The following PDGFD variants were observed in gnomAD, a reference collection of about 807,000 sequenced individuals.
The protein encoded by PDGFD is platelet-derived growth factor D.
A neutral mutation model predicts 44.7 loss-of-function variants in PDGFD; 30 were observed. The observed-to-expected ratio is 0.67, with a 90% CI of 0.50 to 0.91. The LOEUF (loss-of-function observed/expected upper bound fraction) is 0.91, where lower values mean the gene tolerates loss of function less well. PDGFD is among the 40% of genes least tolerant of loss of function. The probability of loss-of-function intolerance (pLI) is 0.00; values close to 1 mark genes in which losing one functional copy is unlikely to be tolerated. For missense variants in PDGFD, 445 were observed against 457.8 expected, an observed-to-expected ratio of 0.97 and a Z score of 0.25; for synonymous variants, 173 against 168.4, an observed-to-expected ratio of 1.03 and a Z score of -0.21.
At chr11:104,113,294 G>A (rs778117161) in intron 1 of PDGFD, among the ~76,000 whole-genome samples, 11 of 152,068 alleles carry the variant, frequency 7.2e-5, no homozygotes, top group Admixed American at 1.3e-4. Flanking sequence ...TGTCCAAATC[G>A]AAGCTCCTAC....
chr11:103,945,645 G>A (rs1211510410), intron 4 of PDGFD: 1 of 152,242 alleles, frequency 6.6e-6, no homozygotes, highest in East Asian at 1.9e-4. Flanking sequence ...TCATTCCCAC[G>A]CCAGTGAAAG....
intron 3 of PDGFD, among the ~76,000 whole-genome samples, chr11:103,979,159 T>C (rs79347850): frequency 9.2e-4 from 140 of 152,214 alleles, no homozygotes; most frequent in African/African-American, 2.9e-3. Context: ...CAGTCTAAAT[T>C]ATACTCTATA....
chr11:103,957,185 G>GT (rs1382906436), intron 3 of PDGFD, among the ~76,000 whole-genome samples: 2 of 152,108 alleles, frequency 1.3e-5, no homozygotes, highest in Non-Finnish European at 2.9e-5. Flanking sequence ...GGTTTTTATG[G>GT]TTTTAGGTCT....
rs1297445223 is a variant in PDGFD at position 104,050,076 on chromosome 11, TG to T, written c.125-49822del. On this transcript the variant is annotated intron_variant, in intron 1 of 6. Coordinates refer to ENST00000393158, the MANE Select transcript of PDGFD (RefSeq NM_025208.5). ...TAGGACATATATGGGTAGTTCAGTA[TG>T]GGTTATACGTTATATGTCCAGTGGG... 4.6e-5 allele frequency among the ~76,000 whole-genome samples: 7 copies of T among 152,260 alleles called. No homozygotes were observed. The South Asian group carries it at 1.5e-3, about 32-fold the overall frequency.
At chr11:104,048,946 A>G (rs1455422931) in intron 1 of PDGFD, among the ~76,000 whole-genome samples, 1 of 152,214 alleles carries the variant, frequency 6.6e-6, no homozygotes, top group Non-Finnish European at 1.5e-5. Flanking sequence ...TTCACTTTAC[A>G]ACAAAAAACC....
At chr11:104,000,581 A>G (rs59407580) in intron 1 of PDGFD, among the ~76,000 whole-genome samples, 94,518 of 151,288 alleles carry the variant, frequency 0.62, 29,641 homozygotes, top group Admixed American at 0.7. Flanking sequence ...TCTGCCTTCT[A>G]TTAAACAAAC....
chr11:104,049,435 C>T (rs1018809732), intron 1 of PDGFD, among the ~76,000 whole-genome samples: 7 of 152,086 alleles, frequency 4.6e-5, no homozygotes, highest in South Asian at 2.1e-4. Context: ...GGCTAGATTA[C>T]GTAAGGCTTT....
intron 1 of PDGFD, among the ~76,000 whole-genome samples, chr11:104,121,190 T>C (rs1861773733): frequency 1.3e-5 from 2 of 152,054 alleles, no homozygotes; most frequent in Non-Finnish European, 2.9e-5. Context: ...AAATTGAAAG[T>C]TTAATTTGAT....
chr11:103,994,411 A>G (rs1859503988), intron 3 of PDGFD, among the ~76,000 whole-genome samples: 1 of 152,208 alleles, frequency 6.6e-6, no homozygotes, highest in Admixed American at 6.5e-5. Flanking sequence ...AATACTTAGC[A>G]GAACTGCATG....
intron 1 of PDGFD, among the ~76,000 whole-genome samples, chr11:104,051,084 C>T (rs538414553): frequency 6.8e-6 from 1 of 146,794 alleles, no homozygotes; most frequent in South Asian, 2.2e-4. Flanking sequence ...AAACAGGCAG[C>T]ACAAGGTGAT....
chr11:104,133,250 C>T (rs965539276), intron 1 of PDGFD, among the ~76,000 whole-genome samples: 4 of 152,042 alleles, frequency 2.6e-5, no homozygotes, highest in South Asian at 2.1e-4. Context: ...TTCCTACTTT[C>T]GATTAATATA....
At chr11:103,984,774 CTAGT>C (rs1318853927) in intron 3 of PDGFD, among the ~76,000 whole-genome samples, 2 of 145,070 alleles carry the variant, frequency 1.4e-5, no homozygotes, top group African/African-American at 2.6e-5. Context: ...GTGCTAAAAA[CTAGT>C]TAAATATATT....
At chr11:104,139,426 A>G (rs1862052996) in intron 1 of PDGFD, among the ~76,000 whole-genome samples, 1 of 152,212 alleles carries the variant, frequency 6.6e-6, no homozygotes, top group African/African-American at 2.4e-5. Flanking sequence ...TAACTGCCCC[A>G]GTACAAATTA....
intron 1 of PDGFD, among the ~76,000 whole-genome samples, chr11:104,056,653 C>G (rs546129024): frequency 6.6e-6 from 1 of 152,166 alleles, no homozygotes; most frequent in African/African-American, 2.4e-5. Context: ...TCCAAAACAA[C>G]ACAACCCTAC....
intron 1 of PDGFD, among the ~76,000 whole-genome samples, chr11:104,102,820 C>T (rs3133424): frequency 0.6 from 91,764 of 151,774 alleles, 28,274 homozygotes; most frequent in East Asian, 0.81. Flanking sequence ...CAGCAAACTA[C>T]TGCAAGGACA....
intron 1 of PDGFD, among the ~76,000 whole-genome samples, chr11:104,128,015 G>A (rs937769282): frequency 1.7e-4 from 26 of 152,094 alleles, no homozygotes; most frequent in Admixed American, 1.6e-3. Flanking sequence ...ATGGGTCAAT[G>A]AGTCATGATC....
Position 104,060,394 on chromosome 11 carries a change from G to A in PDGFD, c.125-60139C>T, listed in dbSNP as rs528718155. On this transcript the variant is annotated intron_variant, in intron 1 of 6. Transcript: ENST00000393158. ...GACCAGGTAGCTGGCCCAGAGGCCT[G>A]GAGGAGTACAGTCCTATTTATACTG... Among the ~76,000 whole-genome samples, 7 of 152,278 alleles carry A rather than the reference G, an allele frequency of 4.6e-5. No homozygotes were observed. The South Asian group carries it at 1.5e-3, about 32-fold the overall frequency.
At chr11:103,938,465 A>G (rs1232450285) in intron 5 of PDGFD, among the ~76,000 whole-genome samples, 8 of 151,976 alleles carry the variant, frequency 5.3e-5, no homozygotes, top group African/African-American at 1.5e-4. Context: ...CCCTTTGTCA[A>G]ATGAGTAGGT....
chr11:103,993,606 A>G (rs1488864387), intron 3 of PDGFD, among the ~76,000 whole-genome samples: 1 of 152,132 alleles, frequency 6.6e-6, no homozygotes, highest in Non-Finnish European at 1.5e-5. Flanking sequence ...CCTGCTTTAA[A>G]GCCTCTCCAA....
Sources: allele counts gnomAD v4.1 joint callset (sites outside exome capture counted in the v4.1 genomes callset), GRCh38; gene constraint gnomAD v4.1.1; transcripts MANE v1.5; gene names NCBI Gene and HGNC (gene_info 2026-07-23, HGNC 2026-07-21).